The following FARP1 variants were observed in gnomAD, a reference collection of about 807,000 sequenced individuals.
The protein encoded by FARP1 is FERM, ARH/RhoGEF and pleckstrin domain protein 1, also known as FERM, ARHGEF and pleckstrin domain-containing protein 1.
Under a neutral mutation model 128.8 loss-of-function variants are expected in FARP1, and 52 were observed. The ratio of observed to expected loss-of-function variants is 0.40; its 90% CI spans 0.32 to 0.51. FARP1 has a LOEUF of 0.51. Ranked by LOEUF, FARP1 falls within the 20% of genes least tolerant of loss-of-function variation. The pLI is 0.45. For missense variants in FARP1, 1,333 were observed against 1,367.9 expected, an observed-to-expected ratio of 0.97 and a Z score of 0.40; for synonymous variants, 580 against 551.8, an observed-to-expected ratio of 1.05 and a Z score of -0.72.
intron 1 of FARP1, chr13:98,177,253 C>T: frequency 3.9e-6 from 6 of 1,532,180 alleles, no homozygotes; most frequent in Non-Finnish European, 5.3e-6. Context: ...GTCTCAGGCT[C>T]CCAACGGCCG....
chr13:98,243,293 A>G lies in FARP1; in HGVS notation c.171+29880A>G, dbSNP rs562677821. 1.3e-4 allele frequency among the ~76,000 whole-genome samples: 20 copies of G among 152,316 alleles called. No individual in the cohort carries two copies. In the East Asian group the frequency reaches 3.7e-3, roughly 28 times the overall value. ...CCTTTGACTGTCTCAGATATACCAA[A>G]GCGTGGTGCATTGTGGAATGTGTGC... On this transcript the variant is annotated intron_variant, in intron 2 of 26. Coordinates refer to ENST00000319562, the MANE Select transcript of FARP1 (RefSeq NM_005766.4).
At chr13:98,267,761 G>A (rs1328412074) in intron 2 of FARP1, among the ~76,000 whole-genome samples, 2 of 152,208 alleles carry the variant, frequency 1.3e-5, no homozygotes, top group Non-Finnish European at 2.9e-5. Flanking sequence ...ACTGCAGGAC[G>A]TGCTGGGTTC....
chr13:98,409,488 GC>G lies in FARP1; in HGVS notation c.1570del (p.Arg524GlyfsTer21), dbSNP rs1891108697. On this transcript the variant is annotated frameshift_variant, in exon 14 of 27. Coordinates refer to ENST00000319562, the MANE Select transcript of FARP1 (RefSeq NM_005766.4). LOFTEE classifies it high-confidence loss of function. ...AGCCCGCTGCTGAATGACCAGGCCT[GC>G]CCCCGGACGGACGATGAGGATGAGG... ...LISPLLNDQA[C>X]PRTDDEDEGR... 5 of 1,613,454 alleles carry G rather than the reference GC, an allele frequency of 3.1e-6. No individual in the cohort carries two copies. The highest frequency in any genetic ancestry group is 4.2e-6 in the Non-Finnish European group (5 of 1,179,696).
intron 9 of FARP1, 39 bp downstream of exon 9, chr13:98,388,517 T>C (rs1477170109): frequency 6.8e-7 from 1 of 1,465,466 alleles, no homozygotes; most frequent in African/African-American, 1.4e-5. Flanking sequence ...CGTTGAGCCA[T>C]GGGATGGCGT....
At chr13:98,322,495 A>C (rs998134122) in intron 2 of FARP1, among the ~76,000 whole-genome samples, 2 of 152,136 alleles carry the variant, frequency 1.3e-5, no homozygotes, top group African/African-American at 2.4e-5. Context: ...ACTGCAGTTC[A>C]TCTTGCTTGC....
chr13:98,379,379 TC>T lies in FARP1; in HGVS notation c.496+1465del, dbSNP rs1889801351. 2.0e-5 allele frequency among the ~76,000 whole-genome samples: 3 copies of T among 151,088 alleles called. No individual in the cohort carries two copies. In the South Asian group the frequency reaches 6.3e-4, roughly 32 times the overall value. On this transcript the variant is annotated intron_variant, in intron 6 of 26. Coordinates refer to ENST00000319562, the MANE Select transcript of FARP1 (RefSeq NM_005766.4). ...ATTTTTATCTTTCTTGTGTTTGTTC[TC>T]CCCTCTTCATAAAATGATAGTGGAG...
chr13:98,409,226 A>T, intron 13 of FARP1, 112 bp from the exon 14 acceptor site: 4 of 822,296 alleles, frequency 4.9e-6, no homozygotes, highest in Non-Finnish European at 7.5e-6. Flanking sequence ...TAGGTTTGCC[A>T]TGGCGGGGTA....
chr13:98,422,282 G>A (rs1324491481), intron 16 of FARP1, among the ~76,000 whole-genome samples: 1 of 150,748 alleles, frequency 6.6e-6, no homozygotes, highest in African/African-American at 2.4e-5. Flanking sequence ...AGGAGGGGAG[G>A]TGGGCTCTGG....
At chr13:98,330,905 C>G (rs1887481287) in intron 2 of FARP1, among the ~76,000 whole-genome samples, 1 of 152,158 alleles carries the variant, frequency 6.6e-6, no homozygotes, top group Non-Finnish European at 1.5e-5. Flanking sequence ...GTGAGGCTCT[C>G]TAGGTTTGGG....
At chr13:98,388,880 C>G (rs1487893857) in intron 9 of FARP1, among the ~76,000 whole-genome samples, 1 of 152,314 alleles carries the variant, frequency 6.6e-6, no homozygotes, top group Middle Eastern at 3.4e-3. Context: ...TGCTGGAGGC[C>G]CTGAGCCCCC....
At chr13:98,415,916 T>G (rs1452089920) in intron 16 of FARP1, among the ~76,000 whole-genome samples, 1 of 152,264 alleles carries the variant, frequency 6.6e-6, no homozygotes. Context: ...TGGGCCTCGT[T>G]GAACCGCATT....
intron 2 of FARP1, among the ~76,000 whole-genome samples, chr13:98,288,787 T>C (rs746942391): frequency 1.3e-5 from 2 of 152,186 alleles, no homozygotes; most frequent in Non-Finnish European, 2.9e-5. Flanking sequence ...ATCCAGTGAA[T>C]GAGATTTCAG....
chr13:98,339,822 G>A (rs1010990368), intron 2 of FARP1, among the ~76,000 whole-genome samples: 5 of 152,102 alleles, frequency 3.3e-5, no homozygotes, highest in Admixed American at 6.6e-5. Flanking sequence ...AGTCTCTACT[G>A]CAAACCCATG....
chr13:98,425,263 T>G (rs1891739532), intron 17 of FARP1, among the ~76,000 whole-genome samples: 1 of 152,004 alleles, frequency 6.6e-6, no homozygotes, highest in Admixed American at 6.6e-5. Context: ...TTCAGTCAGT[T>G]GTTTTGGTTT....
At chr13:98,414,925 A>C (rs943027897) in intron 16 of FARP1, among the ~76,000 whole-genome samples, 1 of 152,240 alleles carries the variant, frequency 6.6e-6, no homozygotes, top group Non-Finnish European at 1.5e-5. Context: ...GGGCATACGC[A>C]TCTTCTTAGT....
At chr13:98,393,386 C>T (rs1365113351) in intron 11 of FARP1, among the ~76,000 whole-genome samples, 3 of 152,148 alleles carry the variant, frequency 2.0e-5, no homozygotes, top group African/African-American at 2.4e-5. Context: ...TGTTTCTTCA[C>T]GAGCTGCACC....
chr13:98,213,862 A>G (rs932220033), intron 2 of FARP1, among the ~76,000 whole-genome samples: 1 of 152,040 alleles, frequency 6.6e-6, no homozygotes, highest in Non-Finnish European at 1.5e-5. Context: ...TACTGGCAAG[A>G]ACAGTCCCGA....
chr13:98,403,975 T>C (rs1354840997), intron 13 of FARP1: 59 of 153,060 alleles, frequency 3.9e-4, no homozygotes, highest in Non-Finnish European at 5.1e-4. Flanking sequence ...CGAAGCACCA[T>C]GTTCCCAACC....
At chr13:98,168,201 A>C (rs192217147) in intron 1 of FARP1, among the ~76,000 whole-genome samples, 1,750 of 149,438 alleles carry the variant, frequency 0.012, 18 homozygotes, top group Non-Finnish European at 0.016. Context: ...AATAAATAAA[A>C]AAGTTTTGGT....
Sources: allele counts gnomAD v4.1 joint callset (sites outside exome capture counted in the v4.1 genomes callset), GRCh38; gene constraint gnomAD v4.1.1; transcripts MANE v1.5; gene names NCBI Gene and HGNC (gene_info 2026-07-23, HGNC 2026-07-21).